The following SLC22A4 variants were observed in gnomAD, a reference collection of about 807,000 sequenced individuals.
SLC22A4 encodes the protein solute carrier family 22 member 4.
A neutral mutation model predicts 56.6 loss-of-function variants in SLC22A4; 39 were observed. The observed-to-expected ratio is 0.69, with a 90% CI of 0.53 to 0.90. The LOEUF (loss-of-function observed/expected upper bound fraction) is 0.90, where lower values mean the gene tolerates loss of function less well. Among genes scored for constraint, SLC22A4 ranks in the 40% least tolerant of loss-of-function variants. SLC22A4 has a pLI of 0.00. For missense variants in SLC22A4, 594 were observed against 696.5 expected, an observed-to-expected ratio of 0.85 and a Z score of 1.66; for synonymous variants, 241 against 281.4, an observed-to-expected ratio of 0.86 and a Z score of 1.44.
At chr5:132,303,167 A>G (rs1193747502) in intron 1 of SLC22A4, among the ~76,000 whole-genome samples, 1 of 152,254 alleles carries the variant, frequency 6.6e-6, no homozygotes, top group African/African-American at 2.4e-5. Context: ...TTTGGAGAAT[A>G]GATGTTTTGC....
chr5:132,308,484 A>G (rs1045674128), intron 1 of SLC22A4, among the ~76,000 whole-genome samples: 2 of 143,610 alleles, frequency 1.4e-5, no homozygotes, highest in Non-Finnish European at 3.0e-5. Flanking sequence ...TAAAACAAGG[A>G]TAAGAGTACC....
chr5:132,307,768 G>A (rs1750076266), intron 1 of SLC22A4, among the ~76,000 whole-genome samples: 1 of 152,148 alleles, frequency 6.6e-6, no homozygotes, highest in South Asian at 2.1e-4. Flanking sequence ...CCCCGAGAAA[G>A]CCTGTGTTCT....
At position 132,313,639 on chromosome 5, in the gene SLC22A4, G is replaced by C; in HGVS notation, c.523G>C (p.Ala175Pro). The C allele has an allele frequency of 6.2e-7, 1 of 1,614,194 alleles. No individual in the cohort carries two copies. The highest frequency in any genetic ancestry group is 8.5e-7 in the Non-Finnish European group (1 of 1,180,022). Reference protein sequence around the residue: ...DRFGRKNVLFATMAVQTGFSF... With the variant: ...DRFGRKNVLFPTMAVQTGFSF... ...GTTTGGCAGGAAGAACGTTCTCTTC[G>C]CAACCATGGCTGTACAGACTGGCTT... Residue 175 changes from alanine to proline, a missense_variant, in exon 3 of 10, where the codon GCA (alanine) becomes CCA (proline). Transcript: ENST00000200652.
intron 6 of SLC22A4, 190 bp downstream of exon 6, chr5:132,332,040 G>A (rs974151138): frequency 1.0e-4 from 60 of 587,442 alleles, no homozygotes; most frequent in Non-Finnish European, 1.8e-4. Context: ...GTCACTGGGC[G>A]CAATGGCTTA....
At chr5:132,321,397 C>T (rs1238400323) in intron 3 of SLC22A4, among the ~76,000 whole-genome samples, 1 of 152,132 alleles carries the variant, frequency 6.6e-6, no homozygotes, top group Non-Finnish European at 1.5e-5. Flanking sequence ...CTCTCCACTG[C>T]TTCCTGATGG....
At chr5:132,343,409 C>G (rs543844442) in intron 9 of SLC22A4, among the ~76,000 whole-genome samples, 1 of 152,202 alleles carries the variant, frequency 6.6e-6, no homozygotes, top group Non-Finnish European at 1.5e-5. Context: ...TGATCCCTGA[C>G]AGAACATTTA....
At position 132,337,335 on chromosome 5, in the gene SLC22A4, G is replaced by C. The variant is rs77479713; in HGVS notation, c.1444+1335G>C. Among the ~76,000 whole-genome samples the C allele has an allele frequency of 2.8e-3, 389 of 136,992 alleles. 3 individuals carry two copies. The highest frequency in any genetic ancestry group is 0.01 in the African/African-American group (373 of 36,614). The allele number at this position is 136,992 out of a possible 152,430, so 89.9% of individuals were successfully genotyped here. On this transcript the variant is annotated intron_variant, in intron 8 of 9. Coordinates refer to ENST00000200652, the MANE Select transcript of SLC22A4 (RefSeq NM_003059.3). ...TCTGGAGTGTAGTGGTGCGATCCTA[G>C]ATTCCCAGCTCACTGCAGCCTCAAT... is the stretch of plus-strand genomic sequence containing the variant.
intron 3 of SLC22A4, among the ~76,000 whole-genome samples, chr5:132,319,484 T>C (rs1750469554): frequency 1.3e-5 from 2 of 152,170 alleles, no homozygotes; most frequent in Non-Finnish European, 2.9e-5. Flanking sequence ...CAAATAAGGC[T>C]TAAATCCTGG....
At chr5:132,312,860 T>A (rs891776964) in intron 2 of SLC22A4, among the ~76,000 whole-genome samples, 3 of 152,064 alleles carry the variant, frequency 2.0e-5, no homozygotes, top group African/African-American at 7.2e-5. Context: ...GGGTACTAAA[T>A]GGCAATGCTG....
At chr5:132,334,332 A>G (rs1465579045) in intron 6 of SLC22A4, among the ~76,000 whole-genome samples, 1 of 152,250 alleles carries the variant, frequency 6.6e-6, no homozygotes, top group African/African-American at 2.4e-5. Context: ...TTCATATAAT[A>G]GCTCTAAGAG....
At chr5:132,304,890 A>T (rs270613) in intron 1 of SLC22A4, among the ~76,000 whole-genome samples, 3 of 152,138 alleles carry the variant, frequency 2.0e-5, no homozygotes, top group African/African-American at 7.2e-5. Flanking sequence ...TTTTAAAAGT[A>T]TGATGACAAT....
At chr5:132,313,897 T>C in intron 3 of SLC22A4, 129 bp downstream of exon 3, 1 of 1,000,204 alleles carries the variant, frequency 1.0e-6, no homozygotes, top group South Asian at 1.3e-5. Context: ...GAGGGAGCCG[T>C]AGCCACAGCT....
intron 3 of SLC22A4, among the ~76,000 whole-genome samples, chr5:132,318,665 C>T (rs756212832): frequency 6.6e-6 from 1 of 152,056 alleles, no homozygotes; most frequent in East Asian, 1.9e-4. Context: ...AGAGAGTGCT[C>T]AGATTCAGAG....
At chr5:132,296,189 T>C (rs568168762) in intron 1 of SLC22A4, among the ~76,000 whole-genome samples, 40 of 152,334 alleles carry the variant, frequency 2.6e-4, no homozygotes, top group Non-Finnish European at 5.3e-4. Flanking sequence ...TTTTAGCTGA[T>C]TCTGAAAATG....
intron 2 of SLC22A4, 61 bp downstream of exon 2, chr5:132,312,325 G>A: frequency 9.6e-7 from 1 of 1,036,612 alleles, no homozygotes; most frequent in Non-Finnish European, 1.5e-6. Context: ...TGCCTATCTT[G>A]GGGCTGGACT....
At position 132,312,185 on chromosome 5, in the gene SLC22A4, T is replaced by A; in HGVS notation, c.418T>A (p.Trp140Arg). 6.2e-7 allele frequency: 1 copy of A among 1,611,814 alleles called. No homozygotes were observed. The highest frequency in any genetic ancestry group is 8.5e-7 in the Non-Finnish European group (1 of 1,177,840). Residue 140 changes from tryptophan to arginine, a missense_variant, in exon 2 of 10, where the codon TGG becomes AGG. By Grantham distance (101) the Trp-to-Arg change is moderately radical (BLOSUM62 -3). Coordinates refer to ENST00000200652, the MANE Select transcript of SLC22A4 (RefSeq NM_003059.3). ...GTGGAATCTGGTGTGTGAGGACAAC[T>A]GGAAGGTGCCCCTCACCACCTCCCT... The part of the protein sequence containing the change: ...TEWNLVCEDN[W>R]KVPLTTSLFF...
At chr5:132,306,927 T>A (rs775078312) in intron 1 of SLC22A4, among the ~76,000 whole-genome samples, 70 of 152,148 alleles carry the variant, frequency 4.6e-4, no homozygotes, top group Admixed American at 7.2e-4. Context: ...AGAAAGTAGA[T>A]TAGTGGTTTC....
intron 4 of SLC22A4, among the ~76,000 whole-genome samples, chr5:132,326,364 T>A (rs1262097629): frequency 6.6e-6 from 1 of 152,254 alleles, no homozygotes; most frequent in Non-Finnish European, 1.5e-5. Flanking sequence ...ATGTAATTTA[T>A]TAAATACTGT....
At chr5:132,331,333 T>TA (rs3842601) in intron 5 of SLC22A4, among the ~76,000 whole-genome samples, 11,632 of 151,702 alleles carry the variant, frequency 0.077, 572 homozygotes, top group East Asian at 0.27. Flanking sequence ...AGACTCCATC[T>TA]AAAAAAAACA....
Sources: gnomAD v4.1 joint callset for allele counts (sites outside exome capture counted in the v4.1 genomes callset) on GRCh38, gnomAD v4.1.1 for gene constraint, MANE v1.5 for transcripts, NCBI Gene and HGNC (gene_info 2026-07-23, HGNC 2026-07-21) for gene names.